PSEN1: variants seen among roughly 807,000 people sequenced by gnomAD.
PSEN1 encodes presenilin 1, also known as presenilin-1.
A neutral mutation model predicts 53.5 loss-of-function variants in PSEN1; 15 were observed. The ratio of observed to expected loss-of-function variants is 0.28; its 90% CI spans 0.19 to 0.43. The LOEUF is 0.43. PSEN1 is among the 20% of genes least tolerant of loss of function. The pLI, the probability that PSEN1 is intolerant of heterozygous loss-of-function variation, is 1.00. For synonymous variants in PSEN1, 208 were observed against 209.8 expected, an observed-to-expected ratio of 0.99 and a Z score of 0.08; for missense variants, 387 against 571.2, an observed-to-expected ratio of 0.68 and a Z score of 3.29.
rs1900120249 is a variant in PSEN1, at chr14:73,221,627, GC to G, written c.*2341del. On this transcript the variant is annotated 3_prime_UTR_variant, in exon 12 of 12. Coordinates refer to ENST00000324501, the MANE Select transcript of PSEN1 (RefSeq NM_000021.4). ...TTAAAGGACAGGATTTTGCTGTGTT[GC>G]CCAGGCTAGACTTGAACTCCTGGGC... 6.6e-6 allele frequency: 1 copy of G among 150,472 alleles called. No homozygotes were observed. Among genetic ancestry groups the G allele is most frequent in the African/African-American group, 2.5e-5 (1 of 40,798 alleles). The allele number at this position is 150,472 out of a possible 1,614,324, so 9.3% of individuals were successfully genotyped here. A position where few individuals can be genotyped will look rare whatever the true frequency, so the allele number is the denominator to read the frequency against.
At chr14:73,187,450 C>G (rs758305644) in intron 6 of PSEN1, among the ~76,000 whole-genome samples, 1 of 152,086 alleles carries the variant, frequency 6.6e-6, no homozygotes, top group Admixed American at 6.6e-5. Flanking sequence ...TGCACTAGCT[C>G]TTAAATTCGA....
rs542413495 is a variant in PSEN1 at position 73,166,077 on chromosome 14, AAAAT to A, written c.88-4716_88-4713del. 3.0e-4 allele frequency among the ~76,000 whole-genome samples: 45 copies of A among 152,126 alleles called. 2 individuals are homozygous for A. In the South Asian group the frequency reaches 8.9e-3, roughly 30 times the overall value. ...TAATAATAATAATAATAATAAAATAAAAATAAAAGTAGTATCCAGCGTACTACAA... is the reference window on the plus strand; with the variant it reads ...TAATAATAATAATAATAATAAAATAAAAAAGTAGTATCCAGCGTACTACAA... On this transcript the variant is annotated intron_variant, in intron 3 of 11. Transcript: ENST00000324501.
At chr14:73,206,969 G>A (rs1209859983) in intron 9 of PSEN1, among the ~76,000 whole-genome samples, 1 of 152,146 alleles carries the variant, frequency 6.6e-6, no homozygotes, top group African/African-American at 2.4e-5. Flanking sequence ...GTGCTGATGT[G>A]TATACTGAGA....
rs1024625669 is a variant in PSEN1, at chr14:73,206,358, T to C, written c.869-28T>C. ...TATGCATACTTTGTGTGTCCAGTGC[T>C]TACCTGGAATTTTGTCTTTCCCAAC... is the stretch of plus-strand genomic sequence containing the variant. On this transcript the variant is annotated intron_variant, in intron 8 of 11. Transcript: ENST00000324501. 8.3e-6 allele frequency: 13 copies of C among 1,561,074 alleles called. No individual in the cohort carries two copies. In the Middle Eastern group the frequency reaches 5.0e-4, roughly 60 times the overall value.
rs540754290 is a variant in PSEN1 at position 73,202,109 on chromosome 14, A to G, written c.868+3980A>G. On this transcript the variant is annotated intron_variant, in intron 8 of 11. Transcript: ENST00000324501. Reference sequence around the variant, plus strand: ...GCCCAGGCTGGAGTGCAGTGGCGCAATCTCAGCTCACTGCAACCTCCATCT... The same window carrying G: ...GCCCAGGCTGGAGTGCAGTGGCGCAGTCTCAGCTCACTGCAACCTCCATCT... Among the ~76,000 whole-genome samples, 9 of 151,836 alleles carry G rather than the reference A, an allele frequency of 5.9e-5. No homozygotes were observed. In the East Asian group the frequency reaches 9.7e-4, roughly 16 times the overall value.
chr14:73,206,549 T>C, intron 9 of PSEN1, 77 bp downstream of exon 9: 3 of 1,015,936 alleles, frequency 3.0e-6, no homozygotes. Context: ...AATGTTTTTA[T>C]CGTCTTTCTT....
intron 8 of PSEN1, among the ~76,000 whole-genome samples, chr14:73,198,330 TAGAA>T (rs1190129289): frequency 1.3e-5 from 2 of 152,218 alleles, no homozygotes; most frequent in Non-Finnish European, 2.9e-5. Context: ...TCAATATGAA[TAGAA>T]AGAAAGAAAA....
At chr14:73,194,642 C>T (rs1273671117) in intron 7 of PSEN1, among the ~76,000 whole-genome samples, 1 of 148,116 alleles carries the variant, frequency 6.8e-6, no homozygotes, top group African/African-American at 2.5e-5. Flanking sequence ...GATCTTGGCT[C>T]ACTGCAAGCT....
At chr14:73,177,485 C>A (rs1441223301) in intron 5 of PSEN1, among the ~76,000 whole-genome samples, 1 of 152,176 alleles carries the variant, frequency 6.6e-6, no homozygotes, top group Non-Finnish European at 1.5e-5. Flanking sequence ...AGCCGCTATG[C>A]CAGGACAGCC....
chr14:73,175,856 G>C (rs1328744994), intron 5 of PSEN1, among the ~76,000 whole-genome samples: 3 of 152,090 alleles, frequency 2.0e-5, no homozygotes, highest in Admixed American at 6.5e-5. Flanking sequence ...TAACTGTCTT[G>C]GTATTCAAAA....
chr14:73,181,736 A>G (rs982077956), intron 5 of PSEN1, among the ~76,000 whole-genome samples: 3 of 152,356 alleles, frequency 2.0e-5, no homozygotes, highest in African/African-American at 7.2e-5. Context: ...CTATACGTGC[A>G]GATAGAAAAC....
intron 8 of PSEN1, among the ~76,000 whole-genome samples, chr14:73,200,935 C>T (rs1899155354): frequency 6.6e-6 from 1 of 151,996 alleles, no homozygotes; most frequent in Non-Finnish European, 1.5e-5. Context: ...CTTGTAATCC[C>T]AGTTACTTGG....
chr14:73,173,333 C>T (rs1897946304), intron 4 of PSEN1, among the ~76,000 whole-genome samples: 1 of 152,182 alleles, frequency 6.6e-6, no homozygotes, highest in African/African-American at 2.4e-5. Context: ...CCAGTGTCTG[C>T]TTCACATGTT....
At chr14:73,149,110 T>C (rs996367287) in intron 3 of PSEN1, among the ~76,000 whole-genome samples, 1 of 152,042 alleles carries the variant, frequency 6.6e-6, no homozygotes, top group African/African-American at 2.4e-5. Flanking sequence ...TGGGGTCAGA[T>C]TTTCCTCTGT....
rs541094037 is a variant in PSEN1 at position 73,156,215 on chromosome 14, G to T, written c.87+8109G>T. On this transcript the variant is annotated intron_variant, in intron 3 of 11. Coordinates refer to ENST00000324501, the MANE Select transcript of PSEN1 (RefSeq NM_000021.4). ...AATAATACTAATAGTAATTAACTGG[G>T]TGTGGTGGCATGTGCCTATAGTCCC... 1.8e-4 allele frequency among the ~76,000 whole-genome samples: 27 copies of T among 151,996 alleles called. No individual in the cohort carries two copies. The East Asian group carries it at 4.4e-3, about 25-fold the overall frequency.
intron 3 of PSEN1, among the ~76,000 whole-genome samples, chr14:73,165,105 C>T (rs934687190): frequency 1.3e-5 from 2 of 151,816 alleles, no homozygotes; most frequent in African/African-American, 2.4e-5. Context: ...TACAGGTGCC[C>T]GCCACCACAC....
chr14:73,196,834 C>T (rs1898966268), intron 7 of PSEN1, among the ~76,000 whole-genome samples: 1 of 151,736 alleles, frequency 6.6e-6, no homozygotes, highest in South Asian at 2.1e-4. Context: ...TACAAGTTAT[C>T]AATTCTTCCT....
chr14:73,218,711 C>T (rs1163342782), intron 11 of PSEN1, among the ~76,000 whole-genome samples: 1 of 151,456 alleles, frequency 6.6e-6, no homozygotes, highest in Non-Finnish European at 1.5e-5. Flanking sequence ...AGCCCCCGCA[C>T]AGCATAGAGA....
chr14:73,148,440 A>C (rs1183238443), intron 3 of PSEN1, among the ~76,000 whole-genome samples: 1 of 152,136 alleles, frequency 6.6e-6, no homozygotes, highest in African/African-American at 2.4e-5. Flanking sequence ...TACTGTATTC[A>C]TTACCTAACA....
Sources: gnomAD v4.1 joint callset for allele counts (sites outside exome capture counted in the v4.1 genomes callset) on GRCh38, gnomAD v4.1.1 for gene constraint, MANE v1.5 for transcripts, NCBI Gene and HGNC (gene_info 2026-07-23, HGNC 2026-07-21) for gene names.